Variants in TMEM63C observed in about 807,000 individuals in gnomAD.
TMEM63C encodes transmembrane protein 63C.
A neutral mutation model predicts 99.2 loss-of-function variants in TMEM63C; 32 were observed. The observed-to-expected ratio is 0.32, with a 90% CI of 0.24 to 0.43. TMEM63C has a LOEUF of 0.43. Among genes scored for constraint, TMEM63C ranks in the 20% least tolerant of loss-of-function variants. The pLI, the probability that TMEM63C is intolerant of heterozygous loss-of-function variation, is 1.00. For missense variants in TMEM63C, 826 were observed against 1,053.0 expected (o/e 0.78, Z 2.98); for synonymous variants, 376 against 397.9 (o/e 0.94, Z 0.66).
At chr14:77,231,099 C>A (rs1888931346) in intron 6 of TMEM63C, among the ~76,000 whole-genome samples, 1 of 152,232 alleles carries the variant, frequency 6.6e-6, no homozygotes, top group South Asian at 2.1e-4. Context: ...CAGCGCCCCA[C>A]ACTCTCACCA....
intron 1 of TMEM63C, among the ~76,000 whole-genome samples, chr14:77,204,216 C>T (rs1334958479): frequency 6.6e-6 from 1 of 152,018 alleles, no homozygotes; most frequent in Non-Finnish European, 1.5e-5. Flanking sequence ...AATGTATTTG[C>T]TCCACAACAC....
At chr14:77,209,462 A>G (rs1430242850) in intron 1 of TMEM63C, among the ~76,000 whole-genome samples, 2 of 152,216 alleles carry the variant, frequency 1.3e-5, no homozygotes, top group Admixed American at 1.3e-4. Context: ...ATTGAGGCCT[A>G]CTACGTGATG....
chr14:77,251,987 C>A, intron 22 of TMEM63C, 89 bp downstream of exon 22: 1 of 1,064,510 alleles, frequency 9.4e-7, no homozygotes, highest in Admixed American at 1.7e-5. Context: ...GCTCCCATAG[C>A]ACCACAGGAT....
At chr14:77,219,390 C>T in intron 3 of TMEM63C, 108 bp from the exon 4 acceptor site, 2 of 1,128,156 alleles carry the variant, frequency 1.8e-6, no homozygotes, top group Non-Finnish European at 2.6e-6. Flanking sequence ...TGGAGGAGCT[C>T]CCTGGGGACC....
chr14:77,218,684 G>A, intron 2 of TMEM63C, 117 bp from the exon 3 acceptor site: 1 of 995,606 alleles, frequency 1.0e-6, no homozygotes, highest in Non-Finnish European at 1.5e-6. Context: ...TGGGTCTGAA[G>A]TGGCCTAGCC....
At position 77,219,762 on chromosome 14, in the gene TMEM63C, C is replaced by T. The variant is rs112881071; in HGVS notation, c.230+185C>T. The stretch of plus-strand genomic sequence containing the variant: ...GGGCAGCCATCCCTGGGCACAAGGC[C>T]GTGTTTTTCTCTGGTCTTAGACTTT... On this transcript the variant is annotated intron_variant, in intron 4 of 23. Transcript: ENST00000298351. 2.2e-3 allele frequency among the ~76,000 whole-genome samples: 338 copies of T among 152,302 alleles called. 5 individuals carry two copies. The highest frequency in any genetic ancestry group is 7.6e-3 in the African/African-American group (317 of 41,546).
Position 77,248,973 on chromosome 14 carries a change from C to G in TMEM63C, c.1870+101C>G, listed in dbSNP as rs760265643. 1.6e-5 allele frequency: 19 copies of G among 1,202,904 alleles called. No individual in the cohort carries two copies. In the Admixed American group the frequency reaches 3.2e-4, roughly 20 times the overall value. 74.5% of individuals were successfully genotyped at this position (1,202,904 alleles called of 1,614,324 possible). The stretch of plus-strand genomic sequence containing the variant: ...GTCCACCTCCTGGAGCATGGGGAGA[C>G]CTGTGGTAGGGAGGGGTCAGGGCCA... On this transcript the variant is annotated intron_variant, in intron 20 of 23. Coordinates refer to ENST00000298351, the MANE Select transcript of TMEM63C (RefSeq NM_020431.4).
rs549503037 is a variant in TMEM63C, at chr14:77,184,296, A to G, written c.-77+2402A>G. Among the ~76,000 whole-genome samples the G allele has an allele frequency of 6.6e-5, 10 of 151,992 alleles. No homozygotes were observed. The South Asian group carries it at 2.1e-3, about 32-fold the overall frequency. Reference sequence around the variant, plus strand: ...GCTTCAAGTTGTGCTTGGGCCCTTGAGGAGTTTCATCCCCTCCATCCCCAG... The same window carrying G: ...GCTTCAAGTTGTGCTTGGGCCCTTGGGGAGTTTCATCCCCTCCATCCCCAG... On this transcript the variant is annotated intron_variant, in intron 1 of 23. Transcript: ENST00000298351.
intron 1 of TMEM63C, among the ~76,000 whole-genome samples, chr14:77,190,254 CAAT>C (rs2140089575): frequency 6.6e-6 from 1 of 151,948 alleles, no homozygotes; most frequent in East Asian, 1.9e-4. Flanking sequence ...CCCAACAGAC[CAAT>C]AATCACTGAA....
intron 21 of TMEM63C, among the ~76,000 whole-genome samples, chr14:77,250,962 G>A (rs1192287585): frequency 1.3e-5 from 2 of 152,130 alleles, no homozygotes; most frequent in African/African-American, 4.8e-5. Context: ...CCCTTTCCAG[G>A]CATGCGCTTT....
At position 77,202,853 on chromosome 14, in the gene TMEM63C, ACACACACACACACG is replaced by A. The variant is rs748609880; in HGVS notation, c.-76-10583_-76-10570del. On this transcript the variant is annotated intron_variant, in intron 1 of 23. Transcript: ENST00000298351. ...CACACACACACACACACACACACAC[ACACACACACACACG>A]CACACACACCCCTCTACCTGGCACA... Among the ~76,000 whole-genome samples, 1,075 of 74,226 alleles carry A rather than the reference ACACACACACACACG, an allele frequency of 0.014. 25 individuals are homozygous for A. The East Asian group carries it at 0.23, about 16-fold the overall frequency. The allele number at this position is 74,226 out of a possible 152,430, so 48.7% of individuals were successfully genotyped here.
At chr14:77,192,807 GGAAGAAGAAAAA>G in intron 1 of TMEM63C, among the ~76,000 whole-genome samples, 1 of 150,396 alleles carries the variant, frequency 6.6e-6, no homozygotes, top group Non-Finnish European at 1.5e-5. Context: ...AGGAGGAAGA[GGAAGAAGAAAAA>G]GAAGAAGAGG....
At chr14:77,198,865 A>G (rs1311667998) in intron 1 of TMEM63C, among the ~76,000 whole-genome samples, 3 of 152,150 alleles carry the variant, frequency 2.0e-5, no homozygotes, top group Non-Finnish European at 4.4e-5. Context: ...GAGGGGGCAA[A>G]CCAGAGCATG....
intron 1 of TMEM63C, among the ~76,000 whole-genome samples, chr14:77,196,571 C>T (rs1888218705): frequency 6.6e-6 from 1 of 152,126 alleles, no homozygotes; most frequent in South Asian, 2.1e-4. Context: ...GGTTCTTTGC[C>T]CAGCTGACTC....
intron 1 of TMEM63C, among the ~76,000 whole-genome samples, chr14:77,203,458 G>A (rs1379425921): frequency 6.6e-6 from 1 of 151,370 alleles, no homozygotes; most frequent in Non-Finnish European, 1.5e-5. Flanking sequence ...TCCCTACCCA[G>A]AAGACAAGCA....
chr14:77,251,186 TGATTG>T (rs1486775657), intron 21 of TMEM63C, among the ~76,000 whole-genome samples: 1 of 152,236 alleles, frequency 6.6e-6, no homozygotes, highest in East Asian at 1.9e-4. Context: ...CAGTTCTCCG[TGATTG>T]GATATTGAGG....
At chr14:77,215,329 G>A (rs2140105861) in intron 2 of TMEM63C, among the ~76,000 whole-genome samples, 1 of 152,230 alleles carries the variant, frequency 6.6e-6, no homozygotes, top group African/African-American at 2.4e-5. Context: ...GGCTGGGCAT[G>A]GGGGCTCGCA....
At chr14:77,182,032 G>A (rs1392051220) in intron 1 of TMEM63C, 138 bp downstream of exon 1, 1 of 152,338 alleles carries the variant, frequency 6.6e-6, no homozygotes, top group Non-Finnish European at 1.5e-5. Context: ...TGCATTGGGA[G>A]GGATGGGGGT....
At chr14:77,191,811 C>T (rs538766381) in intron 1 of TMEM63C, among the ~76,000 whole-genome samples, 157 of 151,638 alleles carry the variant, frequency 1.0e-3, no homozygotes, top group African/African-American at 3.6e-3. Flanking sequence ...CCCAAAGTGC[C>T]GGGATTACAG....
Sources: gnomAD v4.1 joint callset for allele counts (sites outside exome capture counted in the v4.1 genomes callset) on GRCh38, gnomAD v4.1.1 for gene constraint, MANE v1.5 for transcripts, NCBI Gene and HGNC (gene_info 2026-07-23, HGNC 2026-07-21) for gene names.